The following SASH1 variants were observed in gnomAD, a reference collection of about 807,000 sequenced individuals.
The protein encoded by SASH1 is SAM and SH3 domain containing 1.
SASH1 carries 44 observed loss-of-function variants against 125.2 expected under a neutral mutation model. The ratio of observed to expected loss-of-function variants is 0.35; its 90% CI spans 0.28 to 0.45. SASH1 has a LOEUF of 0.45. SASH1 is among the 20% of genes least tolerant of loss of function. The pLI is 1.00. For missense variants in SASH1, 1,426 were observed against 1,614.5 expected (o/e 0.88, Z 2.00); for synonymous variants, 639 against 649.1 (o/e 0.98, Z 0.24).
intron 16 of SASH1, among the ~76,000 whole-genome samples, chr6:148,540,190 C>T (rs144403510): frequency 5.3e-5 from 8 of 152,284 alleles, no homozygotes; most frequent in African/African-American, 1.7e-4. Context: ...AGCTTCTGTT[C>T]GCATAACTAA....
chr6:148,356,622 A>G (rs1028567965), intron 1 of SASH1, among the ~76,000 whole-genome samples: 1 of 145,288 alleles, frequency 6.9e-6, no homozygotes, highest in Admixed American at 7.2e-5. Context: ...GGCACCCACC[A>G]CCACATCCAG....
chr6:148,495,197 G>A lies in SASH1; in HGVS notation c.729+7482G>A, dbSNP rs1389413254. Among the ~76,000 whole-genome samples the A allele has an allele frequency of 2.0e-5, 3 of 152,202 alleles. No individual in the cohort carries two copies. The highest frequency in any genetic ancestry group is 2.9e-5 in the Non-Finnish European group (2 of 68,022). Reference sequence around the variant, plus strand: ...AAGTTCCTTTTAAGTGGTTCTTGTGGCAAATGGCTTAATTTCCATTATGAC... The same window carrying A: ...AAGTTCCTTTTAAGTGGTTCTTGTGACAAATGGCTTAATTTCCATTATGAC... On this transcript the variant is annotated intron_variant, in intron 8 of 19. Coordinates refer to ENST00000367467, the MANE Select transcript of SASH1 (RefSeq NM_015278.5). The surrounding 1 kb of genome is among the most constrained non-coding windows in gnomAD (Gnocchi z 4.0).
At chr6:148,397,219 G>T (rs1783992705) in intron 2 of SASH1, among the ~76,000 whole-genome samples, 1 of 152,050 alleles carries the variant, frequency 6.6e-6, no homozygotes, top group Admixed American at 6.6e-5. Context: ...GGTGGCTCGT[G>T]TCTGTAATCC....
intron 1 of SASH1, among the ~76,000 whole-genome samples, chr6:148,287,483 T>G (rs369643359): frequency 6.6e-6 from 1 of 152,302 alleles, no homozygotes; most frequent in South Asian, 2.1e-4. Flanking sequence ...ACAGTCTGTC[T>G]CCCCGGTAAC....
intron 8 of SASH1, among the ~76,000 whole-genome samples, chr6:148,505,620 G>T (rs532907032): frequency 3.3e-5 from 5 of 150,266 alleles, no homozygotes; most frequent in Admixed American, 6.6e-5. Flanking sequence ...TGGTTGTTGG[G>T]TTTTTTTGTT....
intron 10 of SASH1, among the ~76,000 whole-genome samples, chr6:148,523,657 C>A (rs778688617): frequency 1.3e-5 from 2 of 152,110 alleles, no homozygotes; most frequent in Non-Finnish European, 2.9e-5. Flanking sequence ...CTCTCCAGAC[C>A]CCAATGGCCG....
chr6:148,350,224 G>A (rs775683322), intron 1 of SASH1, among the ~76,000 whole-genome samples: 1 of 152,158 alleles, frequency 6.6e-6, no homozygotes, highest in African/African-American at 2.4e-5. Context: ...GGAGGCCAAG[G>A]CTGGAGGATC....
At chr6:148,373,124 G>T (rs1171579274) in intron 1 of SASH1, among the ~76,000 whole-genome samples, 3 of 152,270 alleles carry the variant, frequency 2.0e-5, no homozygotes, top group Non-Finnish European at 2.9e-5. Context: ...CTGGGAGGCA[G>T]AGGTTGTGGT....
chr6:148,195,185 T>C, the SASH1 span, among the ~76,000 whole-genome samples: 1 of 152,342 alleles, frequency 6.6e-6, no homozygotes, highest in African/African-American at 2.4e-5. Flanking sequence ...TTACAATACT[T>C]AGGTTTTTTT....
chr6:148,325,357 ACCTCTG>A (rs1780769552), intron 1 of SASH1, among the ~76,000 whole-genome samples: 1 of 151,764 alleles, frequency 6.6e-6, no homozygotes, highest in South Asian at 2.1e-4. Context: ...GCTCACTGCA[ACCTCTG>A]CCTCCCGGGT....
chr6:148,225,537 A>G, the SASH1 span, among the ~76,000 whole-genome samples: 712 of 152,290 alleles, frequency 4.7e-3, 2 homozygotes, highest in African/African-American at 0.016. Context: ...ATGCAAAGGC[A>G]TAAGAATGAT....
intron 16 of SASH1, among the ~76,000 whole-genome samples, chr6:148,539,767 A>T (rs1316489400): frequency 6.6e-6 from 1 of 152,154 alleles, no homozygotes; most frequent in Non-Finnish European, 1.5e-5. Flanking sequence ...GAAAAGAAAA[A>T]ACAACCTCTA....
intron 2 of SASH1, among the ~76,000 whole-genome samples, chr6:148,394,347 T>C (rs189748145): frequency 2.5e-4 from 38 of 152,328 alleles, no homozygotes; most frequent in Non-Finnish European, 8.8e-5. Context: ...TTGAGGCTAG[T>C]CATCATTTAG....
At chr6:148,225,665 A>G in the SASH1 span, among the ~76,000 whole-genome samples, 1 of 152,164 alleles carries the variant, frequency 6.6e-6, no homozygotes, top group African/African-American at 2.4e-5. Context: ...ACCAGAAATC[A>G]CCACTAAAGA....
chr6:148,337,371 C>T (rs1241619555), intron 1 of SASH1, among the ~76,000 whole-genome samples: 1 of 152,090 alleles, frequency 6.6e-6, no homozygotes, highest in Non-Finnish European at 1.5e-5. Context: ...CTACAGGCGC[C>T]CGCCACCACG....
At position 148,549,023 on chromosome 6, in the gene SASH1, C is replaced by T. The variant is rs1046177727; in HGVS notation, c.*465C>T. The T allele has an allele frequency of 3.2e-5, 5 of 155,392 alleles. No homozygotes were observed. The highest frequency in any genetic ancestry group is 1.2e-4 in the African/African-American group (5 of 40,902). The allele number at this position is 155,392 out of a possible 1,614,324, so 9.6% of individuals were successfully genotyped here. ...TCAAGAGTTATTGTACATTACTGAC[C>T]ACGCTCATTTGTTCAAAAGTTAGAA... On this transcript the variant is annotated 3_prime_UTR_variant, in exon 20 of 20. Transcript: ENST00000367467.
chr6:148,258,174 C>T, the SASH1 span, among the ~76,000 whole-genome samples: 9 of 152,022 alleles, frequency 5.9e-5, no homozygotes, highest in African/African-American at 2.2e-4. Context: ...CTACCTTAGG[C>T]TCCCGAGGAA....
chr6:148,239,592 C>A, the SASH1 span, among the ~76,000 whole-genome samples: 1 of 152,280 alleles, frequency 6.6e-6, no homozygotes, highest in South Asian at 2.1e-4. Context: ...ACTTGCCAAT[C>A]AATCTCCAGC....
chr6:148,252,777 C>T, the SASH1 span, among the ~76,000 whole-genome samples: 17 of 152,256 alleles, frequency 1.1e-4, no homozygotes, highest in African/African-American at 3.9e-4. Context: ...CCATGCCCAG[C>T]CCAAAGCTAA....
Sources: gnomAD v4.1 joint callset for allele counts (sites outside exome capture counted in the v4.1 genomes callset) on GRCh38, gnomAD v4.1.1 for gene constraint, Gnocchi (gnomAD v3.1) non-coding constraint, MANE v1.5 for transcripts, NCBI Gene and HGNC (gene_info 2026-07-23, HGNC 2026-07-21) for gene names.